Variants in CA9 observed in about 807,000 individuals in gnomAD.
CA9 encodes the protein carbonic anhydrase 9.
CA9 carries 43 observed loss-of-function variants against 51.8 expected under a neutral mutation model. The observed-to-expected ratio is 0.83, with a 90% CI of 0.65 to 1.07. The LOEUF (loss-of-function observed/expected upper bound fraction) is 1.07, where lower values mean the gene tolerates loss of function less well. CA9 is among the 50% of genes least tolerant of loss of function. The probability of loss-of-function intolerance (pLI) is 0.00; values close to 1 mark genes in which losing one functional copy is unlikely to be tolerated. For missense variants in CA9, 574 were observed against 581.4 expected (o/e 0.99, Z 0.13); for synonymous variants, 253 against 244.2 (o/e 1.04, Z -0.34).
At chr9:35,676,445 G>C in intron 5 of CA9, 56 bp downstream of exon 5, 1 of 1,421,366 alleles carries the variant, frequency 7.0e-7, no homozygotes, top group Non-Finnish European at 9.8e-7. Flanking sequence ...GCTCCTCCCG[G>C]ACTCTATCGT....
chr9:35,679,928 T>C lies in CA9; in HGVS notation c.1140T>C (p.Pro380=), dbSNP rs750378648. ...AGCTGAACTTCCGAGCGACGCAGCC[T>C]TTGAATGGGCGAGTGATTGAGGCCT... ...RLQLNFRATQ[P]LNGRVIEASF... The change falls in exon 8 of 11, where the codon CCT becomes CCC. Residue 380 remains proline (P), a synonymous_variant. Transcript: ENST00000378357. The C allele has an allele frequency of 9.9e-6, 16 of 1,613,926 alleles. No individual in the cohort carries two copies. In the Admixed American group the frequency reaches 2.5e-4, roughly 25 times the overall value.
chr9:35,674,988 C>CA (rs1824387906), intron 1 of CA9: 2 of 132,986 alleles, frequency 1.5e-5, no homozygotes, highest in African/African-American at 5.6e-5. Context: ...TGCCCACTCA[C>CA]TTTTTTTTTT....
chr9:35,680,282 T>A, intron 9 of CA9, 143 bp downstream of exon 9: 1 of 924,858 alleles, frequency 1.1e-6, no homozygotes, highest in Middle Eastern at 2.3e-4. Flanking sequence ...CAGATCATGG[T>A]GGGGATTCCC....
chr9:35,679,078 C>T, intron 6 of CA9, 107 bp from the exon 7 acceptor site: 8 of 1,223,500 alleles, frequency 6.5e-6, no homozygotes, highest in Non-Finnish European at 8.2e-6. Context: ...GAAGTGGTCT[C>T]AGAGTTGAGT....
In CA9 at chr9:35,677,932, G is replaced by C. The variant is rs1201841783; in HGVS notation, c.907+76G>C. ...TCACCCTTTGGAGCTTCAGGTCTGA[G>C]GCTGGAGATGGGCTCCCTCCAGTGC... On this transcript the variant is annotated intron_variant, in intron 6 of 10. Transcript: ENST00000378357. 3.3e-6 allele frequency: 4 copies of C among 1,225,350 alleles called. No homozygotes were observed. The East Asian group carries it at 7.0e-5, about 21-fold the overall frequency. The allele number at this position is 1,225,350 out of a possible 1,614,324, so 75.9% of individuals were successfully genotyped here. A position where few individuals can be genotyped will look rare whatever the true frequency, so the allele number is the denominator to read the frequency against.
chr9:35,679,279 G>A lies in CA9; in HGVS notation c.1002G>A (p.Pro334=), dbSNP rs560078673. The A allele has an allele frequency of 7.4e-6, 12 of 1,614,180 alleles. 1 individual carries two copies. The highest frequency in any genetic ancestry group is 3.3e-5 in the South Asian group (3 of 91,086). ...AATATGAGGGGTCTCTGACTACACC[G>A]CCCTGTGCCCAGGGTGTCATCTGGA... ...YFQYEGSLTT[P]PCAQGVIWTV... is the part of the protein sequence containing the mutation. Residue 334 remains proline, a synonymous_variant, in exon 7 of 11, where the codon CCG becomes CCA. Coordinates refer to ENST00000378357, the MANE Select transcript of CA9 (RefSeq NM_001216.3).
chr9:35,677,183 C>T (rs1824439654), intron 5 of CA9, among the ~76,000 whole-genome samples: 3 of 152,128 alleles, frequency 2.0e-5, no homozygotes, highest in African/African-American at 7.2e-5. Flanking sequence ...GCCAGCCACA[C>T]AGCACAAAGT....
Position 35,676,087 on chromosome 9 carries a change from C to T in CA9, c.628C>T (p.Leu210=). ...HSVQLTLPPG[L]EMALGPGREY... ...AGTGCAACTGACCCTGCCTCCTGGG[C>T]TAGAGATGGCTCTGGGTCCCGGGCG... The change falls in exon 4 of 11, where the codon CTA becomes TTA. Residue 210 remains leucine (L), a synonymous_variant. Coordinates refer to ENST00000378357, the MANE Select transcript of CA9 (RefSeq NM_001216.3). The T allele has an allele frequency of 6.2e-7, 1 of 1,613,604 alleles. No individual in the cohort carries two copies. The highest frequency in any genetic ancestry group is 8.5e-7 in the Non-Finnish European group (1 of 1,179,874).
At position 35,677,961 on chromosome 9, in the gene CA9, A is replaced by T. The variant is rs1449114786; in HGVS notation, c.907+105A>T. 14 of 896,190 alleles carry T rather than the reference A, an allele frequency of 1.6e-5. No homozygotes were observed. In the East Asian group the frequency reaches 3.2e-4, roughly 20 times the overall value. 55.5% of individuals were successfully genotyped at this position (896,190 alleles called of 1,614,324 possible). A position where few individuals can be genotyped will look rare whatever the true frequency, so the allele number is the denominator to read the frequency against. Reference sequence around the variant, plus strand: ...GGAGATGGGCTCCCTCCAGTGCAGGAGGGATTGAAGCATGAGCCAGCGCTC... The same window carrying T: ...GGAGATGGGCTCCCTCCAGTGCAGGTGGGATTGAAGCATGAGCCAGCGCTC... On this transcript the variant is annotated intron_variant, in intron 6 of 10. Coordinates refer to ENST00000378357, the MANE Select transcript of CA9 (RefSeq NM_001216.3).
chr9:35,676,554 A>C (rs1824427718), intron 5 of CA9, among the ~76,000 whole-genome samples, 165 bp downstream of exon 5: 1 of 152,202 alleles, frequency 6.6e-6, no homozygotes, highest in African/African-American at 2.4e-5. Context: ...TGAACCAGGC[A>C]CCAGCCCCCA....
At position 35,680,155 on chromosome 9, in the gene CA9, C is replaced by T; in HGVS notation, c.1237+16C>T. On this transcript the variant is annotated intron_variant, in intron 9 of 10. Transcript: ENST00000378357. Reference sequence around the variant, plus strand: ...CTGGCTGCTGGTGAGTCTGCCCCTCCTCTTGGTCCTGATGCCAGGAGACTC... The same window carrying T: ...CTGGCTGCTGGTGAGTCTGCCCCTCTTCTTGGTCCTGATGCCAGGAGACTC... The T allele has an allele frequency of 6.2e-7, 1 of 1,614,224 alleles. No homozygotes were observed.
chr9:35,680,580 C>T lies in CA9; in HGVS notation c.1238-173C>T. On this transcript the variant is annotated intron_variant, in intron 9 of 10. Transcript: ENST00000378357. ...GGAAGCAAAAACGGTGCTTATCTTA[C>T]CCCTTCTCGTGTATCCACCCTCATC... 4 of 618,326 alleles carry T rather than the reference C, an allele frequency of 6.5e-6. No individual in the cohort carries two copies. The South Asian group carries it at 7.8e-5, about 12-fold the overall frequency. 38.3% of individuals were successfully genotyped at this position (618,326 alleles called of 1,614,324 possible).
intron 1 of CA9, 90 bp from the exon 2 acceptor site, chr9:35,675,448 G>GT: frequency 6.9e-7 from 1 of 1,439,402 alleles, no homozygotes; most frequent in Non-Finnish European, 9.8e-7. Flanking sequence ...TAATGCTCCT[G>GT]TAAGGCATCT....
rs775063591 is a variant in CA9, at chr9:35,674,231, G to A, written c.272G>A (p.Gly91Glu). ...EDLPGEEDLPGEEDLPEVKPK... is the reference protein window; with the variant it reads ...EDLPGEEDLPEEEDLPEVKPK... ...CTACCTGGAGAGGAGGATCTACCTG[G>A]AGAGGAGGATCTACCTGAAGTTAAG... Residue 91 changes from glycine to glutamate, a missense_variant, in exon 1 of 11, where the codon GGA (glycine) becomes GAA (glutamate). By Grantham distance (98) the Gly-to-Glu change is moderately conservative. Coordinates refer to ENST00000378357, the MANE Select transcript of CA9 (RefSeq NM_001216.3). The A allele has an allele frequency of 6.4e-7, 1 of 1,570,928 alleles. No individual in the cohort carries two copies. The highest frequency in any genetic ancestry group is 8.7e-7 in the Non-Finnish European group (1 of 1,154,706).
chr9:35,677,417 G>C (rs1409464144), intron 5 of CA9, among the ~76,000 whole-genome samples: 1 of 152,092 alleles, frequency 6.6e-6, no homozygotes, highest in East Asian at 1.9e-4. Context: ...GAGTATGTAC[G>C]GAGGCAGCAG....
intron 6 of CA9, among the ~76,000 whole-genome samples, chr9:35,678,346 C>CAAA (rs11327436): frequency 7.5e-5 from 7 of 93,848 alleles, no homozygotes; most frequent in Non-Finnish European, 1.0e-4. Context: ...ACTCTTGTCT[C>CAAA]AAAAAAAAAA....
intron 1 of CA9, chr9:35,675,263 G>A (rs1175552742): frequency 5.8e-6 from 3 of 514,898 alleles, no homozygotes; most frequent in Non-Finnish European, 7.0e-6. Context: ...CAAAGTGCTG[G>A]GATTATAGGC....
At chr9:35,677,055 A>G (rs946458405) in intron 5 of CA9, among the ~76,000 whole-genome samples, 4 of 151,934 alleles carry the variant, frequency 2.6e-5, no homozygotes, top group African/African-American at 4.8e-5. Flanking sequence ...GGGTTTCACC[A>G]TGTTGGTCAG....
intron 1 of CA9, chr9:35,675,154 C>T (rs150088381): frequency 1.3e-3 from 281 of 212,364 alleles, no homozygotes; most frequent in African/African-American, 6.4e-3. Flanking sequence ...CCACCACGCC[C>T]GGCTAATTTT....
Sources: gnomAD v4.1 joint callset for allele counts (sites outside exome capture counted in the v4.1 genomes callset) on GRCh38, gnomAD v4.1.1 for gene constraint, MANE v1.5 for transcripts, NCBI Gene and HGNC (gene_info 2026-07-23, HGNC 2026-07-21) for gene names.